MAST2: variants seen among roughly 807,000 people sequenced by gnomAD.
MAST2 encodes the protein microtubule-associated serine/threonine-protein kinase 2.
In MAST2, 70 loss-of-function variants were observed where a neutral mutation model predicts 147.4. The observed-to-expected ratio is 0.47, with a 90% CI of 0.39 to 0.58. The LOEUF is 0.58. Ranked by LOEUF, MAST2 falls within the 20% of genes least tolerant of loss-of-function variation. The pLI is 0.00. For missense variants in MAST2, 2,080 were observed against 2,302.3 expected, an observed-to-expected ratio of 0.90 and a Z score of 1.98; for synonymous variants, 869 against 896.8, an observed-to-expected ratio of 0.97 and a Z score of 0.55.
chr1:45,909,984 CA>C (rs1376145393), intron 4 of MAST2, among the ~76,000 whole-genome samples: 4 of 152,216 alleles, frequency 2.6e-5, no homozygotes, highest in African/African-American at 9.6e-5. Flanking sequence ...CTCGGCCTCC[CA>C]AAGTGCTGGG....
intron 4 of MAST2, among the ~76,000 whole-genome samples, chr1:45,939,942 G>A (rs1439450557): frequency 1.4e-5 from 2 of 140,158 alleles, no homozygotes; most frequent in African/African-American, 2.7e-5. Context: ...ACAACACTGA[G>A]TTCTAATCCA....
intron 5 of MAST2, among the ~76,000 whole-genome samples, chr1:45,960,068 G>C (rs1660195202): frequency 6.6e-6 from 1 of 152,140 alleles, no homozygotes; most frequent in Non-Finnish European, 1.5e-5. Flanking sequence ...CTGCACCCGG[G>C]TTGGAGTATT....
chr1:45,878,478 G>C (rs1358720096), intron 3 of MAST2, among the ~76,000 whole-genome samples: 2 of 152,074 alleles, frequency 1.3e-5, no homozygotes, highest in African/African-American at 4.8e-5. Context: ...TGCTTTTCTT[G>C]TAAGATCAGA....
chr1:45,809,252 T>C (rs1431359711), intron 1 of MAST2, among the ~76,000 whole-genome samples: 1 of 152,254 alleles, frequency 6.6e-6, no homozygotes, highest in Non-Finnish European at 1.5e-5. Context: ...GGCACTTTGA[T>C]ATACTTTAAT....
intron 5 of MAST2, among the ~76,000 whole-genome samples, chr1:45,967,096 G>A (rs1020768576): frequency 1.3e-5 from 2 of 151,150 alleles, no homozygotes; most frequent in Non-Finnish European, 3.0e-5. Context: ...TTTTTTGAGA[G>A]AGAGTCTCAC....
chr1:46,004,558 G>T (rs2149203511), intron 7 of MAST2, among the ~76,000 whole-genome samples: 1 of 152,226 alleles, frequency 6.6e-6, no homozygotes, highest in East Asian at 1.9e-4. Context: ...GCTATAGCTG[G>T]TAAGAATATT....
At chr1:45,975,559 T>G (rs1238891780) in intron 5 of MAST2, among the ~76,000 whole-genome samples, 1 of 139,252 alleles carries the variant, frequency 7.2e-6, no homozygotes, top group African/African-American at 2.7e-5. Flanking sequence ...TCCCAGCTGC[T>G]CAGTAGGCTG....
At chr1:45,837,515 T>C (rs1275524402) in intron 3 of MAST2, among the ~76,000 whole-genome samples, 2 of 152,230 alleles carry the variant, frequency 1.3e-5, no homozygotes, top group Non-Finnish European at 2.9e-5. Flanking sequence ...ATTCCCTAGT[T>C]AATGACCATA....
chr1:45,950,880 G>T (rs1425645632), intron 4 of MAST2, among the ~76,000 whole-genome samples: 2 of 151,512 alleles, frequency 1.3e-5, no homozygotes, highest in Non-Finnish European at 2.9e-5. Flanking sequence ...CCAGGAGTTC[G>T]AAACCAGCCT....
intron 4 of MAST2, among the ~76,000 whole-genome samples, chr1:45,925,723 T>C (rs547520234): frequency 3.9e-5 from 6 of 152,336 alleles, no homozygotes; most frequent in Middle Eastern, 3.4e-3. Flanking sequence ...GATTTTTATA[T>C]TGGAAGCATT....
chr1:45,987,777 A>ATTTTTTTTTTTTTTTTTTTTTTTTTGT lies in MAST2; in HGVS notation c.593-9923_593-9922insTGTTTTTTTTTTTTTTTTTTTTTTTTT. Among the ~76,000 whole-genome samples, 17 of 21,778 alleles carry ATTTTTTTTTTTTTTTTTTTTTTTTTGT rather than the reference A, an allele frequency of 7.8e-4. 1 individual carries two copies. Among genetic ancestry groups the ATTTTTTTTTTTTTTTTTTTTTTTTTGT allele is most frequent in the African/African-American group, 8.4e-4 (4 of 4,734 alleles). 14.3% of individuals were successfully genotyped at this position (21,778 alleles called of 152,430 possible). A position where few individuals can be genotyped will look rare whatever the true frequency, so the allele number is the denominator to read the frequency against. On this transcript the variant is annotated intron_variant, in intron 5 of 28. Coordinates refer to ENST00000361297, the MANE Select transcript of MAST2 (RefSeq NM_015112.3). ...AGCATTTCTTGTTTTTTTTTTTTTGATTTTTTTTTTTTTTTTTTTTTTTTG... is the reference window on the plus strand; with the variant it reads ...AGCATTTCTTGTTTTTTTTTTTTTGATTTTTTTTTTTTTTTTTTTTTTTTTGTTTTTTTTTTTTTTTTTTTTTTTTTG...
chr1:45,820,225 CTT>C (rs1349612722), intron 1 of MAST2, among the ~76,000 whole-genome samples: 3 of 152,128 alleles, frequency 2.0e-5, no homozygotes, highest in Non-Finnish European at 4.4e-5. Context: ...AGATTTAAAT[CTT>C]AAACTGCAAA....
intron 4 of MAST2, chr1:45,917,621 A>G (rs1184766868): frequency 1.0e-6 from 1 of 955,504 alleles, no homozygotes; most frequent in Non-Finnish European, 1.5e-6. Flanking sequence ...TAATGGGGAG[A>G]AATGGAGTAA....
chr1:45,883,913 C>CCT lies in MAST2; in HGVS notation c.500+1519_500+1520insTC, dbSNP rs72200782. ...CTTGGTCATTTTTCTACTATTTCTG[C>CCT]CCCCCCCGCTTTTTTTTGGTTGCTT... On this transcript the variant is annotated intron_variant, in intron 4 of 28. Transcript: ENST00000361297. Among the ~76,000 whole-genome samples, 10 of 34,990 alleles carry CCT rather than the reference C, an allele frequency of 2.9e-4. 5 individuals are homozygous for CCT. Among genetic ancestry groups the CCT allele is most frequent in the Non-Finnish European group, 6.0e-4 (10 of 16,652 alleles). The allele number at this position is 34,990 out of a possible 152,430, so 23.0% of individuals were successfully genotyped here.
At chr1:45,884,614 G>T (rs1352394801) in intron 4 of MAST2, among the ~76,000 whole-genome samples, 1 of 152,172 alleles carries the variant, frequency 6.6e-6, no homozygotes, top group African/African-American at 2.4e-5. Context: ...TCTAAGTTCT[G>T]AGGCTGTTAA....
intron 3 of MAST2, among the ~76,000 whole-genome samples, chr1:45,874,600 T>C (rs1179025155): frequency 1.3e-5 from 2 of 152,226 alleles, no homozygotes; most frequent in Non-Finnish European, 2.9e-5. Context: ...AATTGCCTTA[T>C]AATGATGATA....
rs527240022 is a variant in MAST2, at chr1:45,869,250, A to G, written c.469-13114A>G. 2.6e-5 allele frequency among the ~76,000 whole-genome samples: 4 copies of G among 152,314 alleles called. No homozygotes were observed. The South Asian group carries it at 8.3e-4, about 32-fold the overall frequency. On this transcript the variant is annotated intron_variant, in intron 3 of 28. Coordinates refer to ENST00000361297, the MANE Select transcript of MAST2 (RefSeq NM_015112.3). ...TTATGGGTAACTCCAGTATCTTTGT[A>G]GACAAGGATAATCAGTCCAGCCTCA...
rs1294944312 is a variant in MAST2, at chr1:46,023,122, C to G, written c.1486-111C>G. The G allele has an allele frequency of 1.7e-6, 2 of 1,205,002 alleles. No homozygotes were observed. The highest frequency in any genetic ancestry group is 2.5e-6 in the Non-Finnish European group (2 of 811,786). 74.6% of individuals were successfully genotyped at this position (1,205,002 alleles called of 1,614,324 possible). ...GTCATTCTACTCCCAGAAGAATGAG[C>G]AGGAGACTGCACTAGAGCTGACAGC... On this transcript the variant is annotated intron_variant, in intron 13 of 28. Transcript: ENST00000361297. This position sits in a 1 kb window ranked among gnomAD's most constrained non-coding sequence, Gnocchi z 4.9.
intron 5 of MAST2, among the ~76,000 whole-genome samples, chr1:45,970,239 G>GC (rs1390529604): frequency 7.2e-5 from 11 of 152,142 alleles, no homozygotes; most frequent in South Asian, 6.2e-4. Flanking sequence ...AAATTTGGGA[G>GC]CCCCCCCATG....
Sources: allele counts gnomAD v4.1 joint callset (sites outside exome capture counted in the v4.1 genomes callset), GRCh38; gene constraint gnomAD v4.1.1; non-coding constraint Gnocchi (gnomAD v3.1); transcripts MANE v1.5; gene names NCBI Gene and HGNC (gene_info 2026-07-23, HGNC 2026-07-21).